The following LYST variants were observed in gnomAD, a reference collection of about 807,000 sequenced individuals.
LYST encodes lysosomal trafficking regulator.
LYST carries 192 observed loss-of-function variants against 413.6 expected under a neutral mutation model. The observed-to-expected ratio is 0.46, with a 90% CI of 0.41 to 0.52. The LOEUF (loss-of-function observed/expected upper bound fraction) is 0.52. Ranked by LOEUF, LYST falls within the 20% of genes least tolerant of loss-of-function variation. The probability of loss-of-function intolerance (pLI) is 0.00; values close to 1 mark genes in which losing one functional copy is unlikely to be tolerated. For missense variants in LYST, 3,815 were observed against 4,499.9 expected, an observed-to-expected ratio of 0.85 and a Z score of 4.35; for synonymous variants, 1,525 against 1,567.3, an observed-to-expected ratio of 0.97 and a Z score of 0.64.
chr1:235,703,126 C>G (rs753833058), intron 44 of LYST, 149 bp from the exon 45 acceptor site: 23 of 659,966 alleles, frequency 3.5e-5, no homozygotes, highest in Non-Finnish European at 6.2e-5. Context: ...CATGGTCTCA[C>G]TGAGATCAGA....
At chr1:235,835,518 T>C (rs1222592349) in intron 1 of LYST, among the ~76,000 whole-genome samples, 1 of 152,256 alleles carries the variant, frequency 6.6e-6, no homozygotes, top group Non-Finnish European at 1.5e-5. Flanking sequence ...TCTAATGCTC[T>C]TAAACTGGCA....
intron 34 of LYST, among the ~76,000 whole-genome samples, chr1:235,731,795 T>G (rs1664404254): frequency 6.6e-6 from 1 of 152,152 alleles, no homozygotes; most frequent in Non-Finnish European, 1.5e-5. Flanking sequence ...TAGCCTCAAG[T>G]GATCCACCCA....
chr1:235,712,691 T>C lies in LYST; in HGVS notation c.9785-494A>G, dbSNP rs184650691. 681 of 985,396 alleles carry C rather than the reference T, an allele frequency of 6.9e-4. 4 individuals carry two copies. In the African/African-American group the frequency reaches 0.011, roughly 16 times the overall value. The allele number at this position is 985,396 out of a possible 1,614,324, so 61.0% of individuals were successfully genotyped here. A position where few individuals can be genotyped will look rare whatever the true frequency, so the allele number is the denominator to read the frequency against. On this transcript the variant is annotated intron_variant, in intron 42 of 52. Coordinates refer to ENST00000389793, the MANE Select transcript of LYST (RefSeq NM_000081.4). ...TCCTTTCTTTTCTTTCTTTCTTTTTTTTCGGGGGGGTGCGTAGGTTACGGT... is the reference window on the plus strand; with the variant it reads ...TCCTTTCTTTTCTTTCTTTCTTTTTCTTCGGGGGGGTGCGTAGGTTACGGT...
chr1:235,755,604 T>C lies in LYST; in HGVS notation c.7103A>G (p.Asp2368Gly). The C allele has an allele frequency of 7.4e-6, 12 of 1,613,586 alleles. No individual in the cohort carries two copies. The highest frequency in any genetic ancestry group is 1.1e-5 in the South Asian group (1 of 91,062). ...YFARASKEQK[D>G]KFLKNRGFSL... ...AAATCCACGATTCTTCAGAAATTTA[T>C]CTTTTTGTTCCTTAGATGCTCTAGC... The change falls in exon 25 of 53, where the codon GAT (aspartate) becomes GGT (glycine). Residue 2368 changes from aspartate to glycine, a missense_variant. This residue lies in a region of LYST where 771 missense variants were observed against 837.1 expected (regional missense o/e 0.92). Transcript: ENST00000389793.
chr1:235,672,875 T>C (rs1571965427), intron 50 of LYST, among the ~76,000 whole-genome samples: 1 of 152,180 alleles, frequency 6.6e-6, no homozygotes, highest in South Asian at 2.1e-4. Context: ...AAAGGATCAG[T>C]TTCTTAGAAA....
At position 235,693,464 on chromosome 1, in the gene LYST, C is replaced by T. The variant is rs758605873; in HGVS notation, c.10587G>A (p.Thr3529=). The change falls in exon 47 of 53, where the codon ACG becomes ACA. Residue 3529 remains threonine (T), a synonymous_variant. Transcript: ENST00000389793. ...TCAGGATGGCTGACCACTGAATGTC[C>T]GTACTGTTCATGCTTCTCACACCTC... ...KEQGVRSMNS[T]DIQWSAILSW... is the part of the protein sequence containing the mutation. 1.5e-5 allele frequency: 25 copies of T among 1,613,778 alleles called. No homozygotes were observed. Among genetic ancestry groups the T allele is most frequent in the South Asian group, 1.1e-4 (10 of 91,082 alleles).
At chr1:235,883,446 G>A (rs1007274857) in exon 1 of LYST, 3 of 152,640 alleles carry the variant, frequency 2.0e-5, no homozygotes, top group Non-Finnish European at 4.4e-5. Flanking sequence ...GCTGTACTCT[G>A]ATGTCACCCG....
chr1:235,882,851 C>T (rs1223743085), intron 1 of LYST, among the ~76,000 whole-genome samples: 1 of 152,164 alleles, frequency 6.6e-6, no homozygotes, highest in Non-Finnish European at 1.5e-5. Context: ...CTTATAACTA[C>T]GCCATGACCC....
intron 13 of LYST, among the ~76,000 whole-genome samples, 174 bp from the exon 14 acceptor site, chr1:235,787,547 A>T (rs1405392375): frequency 6.6e-6 from 1 of 152,200 alleles, no homozygotes; most frequent in Non-Finnish European, 1.5e-5. Flanking sequence ...TTACTTAGTT[A>T]TTCTATCATT....
At chr1:235,855,553 A>G (rs1441906741) in intron 1 of LYST, among the ~76,000 whole-genome samples, 1 of 152,206 alleles carries the variant, frequency 6.6e-6, no homozygotes, top group East Asian at 1.9e-4. Flanking sequence ...CTTGAAAATC[A>G]ATTATAAGCA....
intron 39 of LYST, among the ~76,000 whole-genome samples, chr1:235,722,579 A>G (rs1409543488): frequency 1.3e-5 from 2 of 152,082 alleles, no homozygotes; most frequent in East Asian, 1.9e-4. Flanking sequence ...TCTGCTTCCC[A>G]GGTTCAAGTG....
chr1:235,881,702 G>T (rs549519304), intron 1 of LYST, among the ~76,000 whole-genome samples: 287 of 152,146 alleles, frequency 1.9e-3, no homozygotes, highest in African/African-American at 6.6e-3. Flanking sequence ...AAAAAGAAAA[G>T]AAATTCTGAC....
chr1:235,862,128 T>G (rs990797360), intron 1 of LYST, among the ~76,000 whole-genome samples: 1 of 152,166 alleles, frequency 6.6e-6, no homozygotes, highest in Non-Finnish European at 1.5e-5. Context: ...AGAGACAGAG[T>G]TAGTAGTCAA....
At chr1:235,688,565 G>A (rs1401988503) in intron 47 of LYST, among the ~76,000 whole-genome samples, 5 of 152,194 alleles carry the variant, frequency 3.3e-5, no homozygotes, top group Non-Finnish European at 7.3e-5. Flanking sequence ...AAAGCTGACA[G>A]AGGAAGATGT....
chr1:235,838,088 AAGAT>A (rs1310127918), intron 1 of LYST, among the ~76,000 whole-genome samples: 1 of 152,174 alleles, frequency 6.6e-6, no homozygotes, highest in Admixed American at 6.5e-5. Flanking sequence ...TAGATGTAGG[AAGAT>A]TAGTATATTT....
chr1:235,731,306 T>C lies in LYST; in HGVS notation c.8802-129A>G, dbSNP rs900579278. ...TTAATTTAAAAACTCCAAATGTTTA[T>C]ATATTTGATCAGGGAATGCATATAC... On this transcript the variant is annotated intron_variant, in intron 34 of 52. Transcript: ENST00000389793. 10 of 819,948 alleles carry C rather than the reference T, an allele frequency of 1.2e-5. No individual in the cohort carries two copies. The East Asian group carries it at 1.2e-4, about 10-fold the overall frequency. The allele number at this position is 819,948 out of a possible 1,614,324, so 50.8% of individuals were successfully genotyped here.
At chr1:235,758,615 T>C (rs1374878500) in intron 23 of LYST, among the ~76,000 whole-genome samples, 1 of 152,188 alleles carries the variant, frequency 6.6e-6, no homozygotes, top group Non-Finnish European at 1.5e-5. Context: ...CACTCCCACC[T>C]TCACATGAGC....
chr1:235,677,005 G>T, intron 50 of LYST, 86 bp downstream of exon 50: 1 of 903,428 alleles, frequency 1.1e-6, no homozygotes, highest in South Asian at 1.3e-5. Flanking sequence ...GGACCTGAGA[G>T]AATGGCTCGA....
chr1:235,728,020 T>C, intron 38 of LYST, 56 bp downstream of exon 38: 2 of 1,212,754 alleles, frequency 1.6e-6, no homozygotes, highest in Non-Finnish European at 2.5e-6. Flanking sequence ...ACTGAATTGA[T>C]ACATTTTTGG....
Sources: allele counts gnomAD v4.1 joint callset (sites outside exome capture counted in the v4.1 genomes callset), GRCh38; gene constraint gnomAD v4.1.1; regional missense constraint gnomAD v4.1.1; transcripts MANE v1.5; gene names NCBI Gene and HGNC (gene_info 2026-07-23, HGNC 2026-07-21).